The following IL1RAPL2 variants were observed in gnomAD, a reference collection of about 807,000 sequenced individuals.
IL1RAPL2 encodes the protein interleukin 1 receptor accessory protein like 2.
A neutral mutation model predicts 44.1 loss-of-function variants in IL1RAPL2; 3 were observed. The ratio of observed to expected loss-of-function variants is 0.07; its 90% confidence interval spans 0.03 to 0.18. IL1RAPL2 has a LOEUF of 0.18. Ranked by LOEUF, IL1RAPL2 falls within the 10% of genes least tolerant of loss-of-function variation. The probability of loss-of-function intolerance (pLI) is 1.00; values close to 1 mark genes in which losing one functional copy is unlikely to be tolerated. For synonymous variants in IL1RAPL2, 181 were observed against 178.8 expected (o/e 1.01, Z -0.10); for missense variants, 391 against 496.4 (o/e 0.79, Z 2.02).
chrX:104,567,371 A>G (rs1479012678), intron 1 of IL1RAPL2, among the ~76,000 whole-genome samples: 1 of 112,625 alleles, frequency 8.9e-6, no homozygotes, highest in Non-Finnish European at 1.9e-5. Flanking sequence ...CGGGCTCTGC[A>G]GCCTGGAAGG....
At chrX:105,340,685 A>G (rs2035063598) in intron 5 of IL1RAPL2, among the ~76,000 whole-genome samples, 1 of 111,984 alleles carries the variant, frequency 8.9e-6, no homozygotes, top group Admixed American at 9.5e-5. Context: ...CTTTGATCCA[A>G]TATCACCTTC....
intron 6 of IL1RAPL2, among the ~76,000 whole-genome samples, chrX:105,506,239 T>A (rs1461424080): frequency 9.0e-6 from 1 of 111,275 alleles, no homozygotes; most frequent in Non-Finnish European, 1.9e-5. Flanking sequence ...AAATGGTGGC[T>A]TAAAAGAACA....
chrX:104,761,827 C>T (rs1343600049), intron 2 of IL1RAPL2, among the ~76,000 whole-genome samples: 1 of 69,960 alleles, frequency 1.4e-5, no homozygotes. Context: ...TCCTCCTTCT[C>T]CTTCTTCTCC....
chrX:105,405,303 A>G (rs1004364882), intron 5 of IL1RAPL2, among the ~76,000 whole-genome samples: 1 of 111,942 alleles, frequency 8.9e-6, no homozygotes, highest in African/African-American at 3.2e-5. Flanking sequence ...TGATTTGGTA[A>G]CATAAGATTA....
At chrX:105,417,540 C>T (rs186781724) in intron 5 of IL1RAPL2, among the ~76,000 whole-genome samples, 1 of 112,827 alleles carries the variant, frequency 8.9e-6, no homozygotes, top group East Asian at 2.8e-4. Context: ...TTCATTTGGT[C>T]AGCATTCATC....
intron 2 of IL1RAPL2, among the ~76,000 whole-genome samples, chrX:105,112,277 C>A (rs775906184): frequency 1.8e-5 from 2 of 112,174 alleles, no homozygotes; most frequent in Non-Finnish European, 3.8e-5. Flanking sequence ...TTATTGAGGA[C>A]TTTTCAAATT....
intron 2 of IL1RAPL2, among the ~76,000 whole-genome samples, chrX:104,789,369 C>T (rs1932814665): frequency 9.0e-6 from 1 of 111,664 alleles, no homozygotes; most frequent in Admixed American, 9.5e-5. Context: ...ATTTAGTTCC[C>T]ACTTATAAAT....
intron 6 of IL1RAPL2, among the ~76,000 whole-genome samples, chrX:105,531,240 C>T (rs1312221481): frequency 8.9e-6 from 1 of 111,792 alleles, no homozygotes; most frequent in African/African-American, 3.2e-5. Flanking sequence ...TGGATATAAG[C>T]CATTTTAACT....
chrX:105,076,204 A>T, intron 2 of IL1RAPL2, among the ~76,000 whole-genome samples: 1 of 108,440 alleles, frequency 9.2e-6, no homozygotes, highest in Non-Finnish European at 1.9e-5. Context: ...CCCTCTACAC[A>T]CTGCTTTGAA....
chrX:105,009,908 AAAG>A (rs2031019604), intron 2 of IL1RAPL2, among the ~76,000 whole-genome samples: 1 of 110,658 alleles, frequency 9.0e-6, no homozygotes, highest in Non-Finnish European at 1.9e-5. Flanking sequence ...CTACTACCTT[AAAG>A]AAGCTTAGCT....
chrX:105,519,097 G>A (rs1284055620), intron 6 of IL1RAPL2, among the ~76,000 whole-genome samples: 1 of 111,945 alleles, frequency 8.9e-6, no homozygotes, highest in Non-Finnish European at 1.9e-5. Context: ...GGGCAGAGTT[G>A]GAACACAGAT....
At chrX:105,655,348 C>T (rs1303089211) in intron 6 of IL1RAPL2, among the ~76,000 whole-genome samples, 4 of 112,541 alleles carry the variant, frequency 3.6e-5, no homozygotes, top group Non-Finnish European at 7.5e-5. Flanking sequence ...CATCCCAACC[C>T]ATCTCATTCT....
At chrX:104,912,268 T>G (rs1173874062) in intron 2 of IL1RAPL2, among the ~76,000 whole-genome samples, 4 of 110,361 alleles carry the variant, frequency 3.6e-5, no homozygotes, top group Non-Finnish European at 5.7e-5. Context: ...TAAACTTCCT[T>G]AAGTCACAGA....
intron 4 of IL1RAPL2, among the ~76,000 whole-genome samples, chrX:105,254,469 A>G (rs1265141789): frequency 8.9e-6 from 1 of 112,123 alleles, no homozygotes; most frequent in Non-Finnish European, 1.9e-5. Context: ...TGTCATATGC[A>G]TAATTTGCAA....
At chrX:105,135,258 T>G (rs1034898790) in intron 2 of IL1RAPL2, among the ~76,000 whole-genome samples, 3 of 111,512 alleles carry the variant, frequency 2.7e-5, no homozygotes, top group Non-Finnish European at 5.7e-5. Context: ...AGTGGGTGAC[T>G]GGTGGTTCAG....
intron 5 of IL1RAPL2, among the ~76,000 whole-genome samples, chrX:105,433,833 A>G (rs1337282988): frequency 1.8e-5 from 2 of 111,373 alleles, no homozygotes; most frequent in Non-Finnish European, 3.8e-5. Context: ...AGTTAATGAT[A>G]TGGATATGTC....
chrX:104,789,111 T>A (rs1265641990), intron 2 of IL1RAPL2, among the ~76,000 whole-genome samples: 2 of 112,337 alleles, frequency 1.8e-5, no homozygotes, highest in African/African-American at 6.5e-5. Context: ...TAAAAATTAT[T>A]AAAATTGGAA....
chrX:105,691,713 C>T (rs1452086806), intron 6 of IL1RAPL2, among the ~76,000 whole-genome samples: 1 of 111,502 alleles, frequency 9.0e-6, no homozygotes, highest in Non-Finnish European at 1.9e-5. Context: ...AAAGATTTTA[C>T]TCATATATTA....
At chrX:105,218,462 A>C (rs782557239) in intron 3 of IL1RAPL2, among the ~76,000 whole-genome samples, 1 of 111,386 alleles carries the variant, frequency 9.0e-6, no homozygotes, top group Non-Finnish European at 1.9e-5. Context: ...TCTAGCATGA[A>C]AAATCCATTT....
Sources: allele counts gnomAD v4.1 joint callset (sites outside exome capture counted in the v4.1 genomes callset), GRCh38; gene constraint gnomAD v4.1.1; transcripts MANE v1.5; gene names NCBI Gene and HGNC (gene_info 2026-07-23, HGNC 2026-07-21).